The following DMD variants were observed in gnomAD, a reference collection of about 807,000 sequenced individuals.
The protein encoded by DMD is mutant dystrophin.
Under a neutral mutation model 330.1 loss-of-function variants are expected in DMD, and 63 were observed. The observed-to-expected ratio is 0.19, with a 90% confidence interval of 0.16 to 0.24. The LOEUF (loss-of-function observed/expected upper bound fraction) is 0.24, where lower values mean the gene tolerates loss of function less well. DMD is among the 10% of genes least tolerant of loss of function. DMD has a pLI of 1.00. For missense variants in DMD, 3,344 were observed against 2,684.1 expected (o/e 1.25, Z -5.43); for synonymous variants, 1,223 against 959.8 (o/e 1.27, Z -5.07).
intron 5 of DMD, among the ~76,000 whole-genome samples, chrX:32,819,595 T>A (rs1328228770): frequency 8.9e-6 from 1 of 111,820 alleles, no homozygotes; most frequent in African/African-American, 3.2e-5. Context: ...AGATGGACAG[T>A]AGAAAAACAG....
intron 44 of DMD, chrX:32,206,448 T>C (rs767710492): frequency 5.9e-4 from 310 of 523,607 alleles, no homozygotes; most frequent in Non-Finnish European, 9.8e-4. Context: ...GAAATCTATA[T>C]GAGATACTCC....
In DMD at chrX:31,180,495, A is replaced by G. The variant is rs2041042243; in HGVS notation, c.9975-14T>C. On this transcript the variant is annotated splice_polypyrimidine_tract_variant and intron_variant, in intron 68 of 78. Coordinates refer to ENST00000357033, the MANE Select transcript of DMD (RefSeq NM_004006.3). ...AGACTCCTGTACCTGATAAAGAGCA[A>G]AAACAAACACGTATGTATTTCTTCG... 9.7e-7 allele frequency: 1 copy of G among 1,028,277 alleles called. No individual in the cohort carries two copies. 84.7% of individuals were successfully genotyped at this position (1,028,277 alleles called of 1,213,427 possible).
At chrX:32,842,804 AATT>A (rs1389443667) in intron 4 of DMD, among the ~76,000 whole-genome samples, 1 of 98,460 alleles carries the variant, frequency 1.0e-5, no homozygotes, top group South Asian at 4.0e-4. Context: ...ATATGTACCA[AATT>A]ATTATTATTT....
chrX:32,648,650 C>T (rs1027442031), intron 9 of DMD, among the ~76,000 whole-genome samples: 4 of 111,066 alleles, frequency 3.6e-5, no homozygotes, highest in Non-Finnish European at 7.6e-5. Context: ...CTAAGCAAAC[C>T]GACGAAAAAA....
chrX:33,153,777 A>C lies in DMD; in HGVS notation c.31+57505T>G, dbSNP rs747609337. 3.6e-5 allele frequency among the ~76,000 whole-genome samples: 4 copies of C among 112,572 alleles called. No individual in the cohort carries two copies. The Admixed American group carries it at 3.8e-4, about 11-fold the overall frequency. ...TTCATCAATCAAGGTTTATCTATACACTTGAAAATTCAAATCCACAGGGAT... is the reference window on the plus strand; with the variant it reads ...TTCATCAATCAAGGTTTATCTATACCCTTGAAAATTCAAATCCACAGGGAT... On this transcript the variant is annotated intron_variant, in intron 1 of 78. Transcript: ENST00000357033.
At chrX:32,554,058 G>A (rs1482500968) in intron 16 of DMD, among the ~76,000 whole-genome samples, 1 of 112,334 alleles carries the variant, frequency 8.9e-6, no homozygotes, top group African/African-American at 3.2e-5. Context: ...AGGAAGACCA[G>A]CTGCCACCTC....
chrX:32,649,621 G>A (rs1157747315), intron 9 of DMD, among the ~76,000 whole-genome samples: 1 of 104,959 alleles, frequency 9.5e-6, no homozygotes, highest in East Asian at 2.9e-4. Context: ...AAAAAATCAG[G>A]GATGATAAAT....
chrX:33,096,154 T>G (rs1158424587), intron 1 of DMD, among the ~76,000 whole-genome samples: 1 of 108,929 alleles, frequency 9.2e-6, no homozygotes, highest in African/African-American at 3.3e-5. Context: ...TTTTGTATTT[T>G]TAGTAGAGAC....
intron 34 of DMD, among the ~76,000 whole-genome samples, chrX:32,371,801 A>G (rs2097879578): frequency 9.0e-6 from 1 of 111,632 alleles, no homozygotes; most frequent in African/African-American, 3.2e-5. Context: ...AACAAACAAT[A>G]TTTGAAATCT....
chrX:31,889,996 C>T (rs73466048), intron 47 of DMD, among the ~76,000 whole-genome samples: 12,402 of 109,339 alleles, frequency 0.11, 1,147 homozygotes, highest in African/African-American at 0.31. Flanking sequence ...TTTACCCAAG[C>T]AACAAGAACC....
chrX:32,156,668 G>A (rs866701344), intron 44 of DMD, among the ~76,000 whole-genome samples: 8 of 94,707 alleles, frequency 8.4e-5, no homozygotes, highest in Admixed American at 4.8e-4. Context: ...ACACACACAC[G>A]CACGCAATTA....
At chrX:31,376,665 C>T (rs1219540850) in intron 60 of DMD, among the ~76,000 whole-genome samples, 3 of 112,081 alleles carry the variant, frequency 2.7e-5, no homozygotes, top group Non-Finnish European at 5.6e-5. Flanking sequence ...AGGAAACAGA[C>T]AAGGTACAAA....
chrX:32,843,443 A>G (rs936657680), intron 4 of DMD, among the ~76,000 whole-genome samples: 2 of 111,910 alleles, frequency 1.8e-5, no homozygotes, highest in African/African-American at 3.2e-5. Context: ...TTTCTTCCTA[A>G]GACAAACATC....
rs1177947507 is a variant in DMD at position 31,600,510 on chromosome X, G to GTT, written c.8217+27161_8217+27162dup. Among the ~76,000 whole-genome samples, 284 of 50,388 alleles carry GTT rather than the reference G, an allele frequency of 5.6e-3. 2 individuals are homozygous for GTT. The highest frequency in any genetic ancestry group is 0.01 in the Admixed American group (40 of 3,867). 43.8% of individuals were successfully genotyped at this position (50,388 alleles called of 115,157 possible). Reference sequence around the variant, plus strand: ...TCAATAAACAAGCATGCCAACTATGGTTTTTTTTTTTTTTTTTTTTTTTTG... The same window carrying GTT: ...TCAATAAACAAGCATGCCAACTATGGTTTTTTTTTTTTTTTTTTTTTTTTTTG... On this transcript the variant is annotated intron_variant, in intron 55 of 78. Coordinates refer to ENST00000357033, the MANE Select transcript of DMD (RefSeq NM_004006.3).
intron 1 of DMD, among the ~76,000 whole-genome samples, chrX:33,055,904 ATAAAG>A (rs2094511359): frequency 2.7e-5 from 3 of 110,886 alleles, no homozygotes; most frequent in African/African-American, 9.9e-5. Context: ...AGAAGAATAA[ATAAAG>A]TAATGAATGT....
chrX:33,307,949 C>T (rs1006875278), intron 1 of DMD, among the ~76,000 whole-genome samples: 1 of 111,701 alleles, frequency 9.0e-6, no homozygotes, highest in African/African-American at 3.3e-5. Flanking sequence ...AATATAATTG[C>T]TAAGATGTGA....
chrX:31,895,328 T>G (rs2149784876), intron 47 of DMD, among the ~76,000 whole-genome samples: 1 of 112,121 alleles, frequency 8.9e-6, no homozygotes, highest in Non-Finnish European at 1.9e-5. Context: ...CTTGACAGTG[T>G]GTGAGGAAGA....
At position 31,579,610 on chromosome X, in the gene DMD, A is replaced by G. The variant is rs773952091; in HGVS notation, c.8217+48063T>C. ...ATTTAGTTTTATCTGTATTAAGGAA[A>G]AAAACACTGCAACATCAGACTACAG... On this transcript the variant is annotated intron_variant, in intron 55 of 78. Coordinates refer to ENST00000357033, the MANE Select transcript of DMD (RefSeq NM_004006.3). 5.3e-5 allele frequency among the ~76,000 whole-genome samples: 6 copies of G among 112,591 alleles called. No individual in the cohort carries two copies. In the South Asian group the frequency reaches 2.2e-3, roughly 41 times the overall value.
intron 60 of DMD, among the ~76,000 whole-genome samples, chrX:31,409,094 G>A (rs1428700717): frequency 1.8e-5 from 2 of 111,522 alleles, no homozygotes; most frequent in African/African-American, 6.5e-5. Context: ...CTTCATCCAT[G>A]TCCCTACAAA....
Sources: gnomAD v4.1 joint callset for allele counts (sites outside exome capture counted in the v4.1 genomes callset) on GRCh38, gnomAD v4.1.1 for gene constraint, MANE v1.5 for transcripts, NCBI Gene and HGNC (gene_info 2026-07-23, HGNC 2026-07-21) for gene names.